Variants in NOL4 observed in about 807,000 individuals in gnomAD.
NOL4 encodes the protein cancer/testis antigen 125.
A neutral mutation model predicts 75.9 loss-of-function variants in NOL4; 17 were observed. That is an observed-to-expected ratio of 0.22 (90% CI 0.15 to 0.34). The LOEUF is 0.34. NOL4 is among the 10% of genes least tolerant of loss of function. NOL4 has a pLI of 1.00. For synonymous variants in NOL4, 292 were observed against 289.9 expected (o/e 1.01, Z -0.07); for missense variants, 614 against 793.5 (o/e 0.77, Z 2.72).
chr18:34,116,851 C>A lies in NOL4; in HGVS notation c.415-11691G>T, dbSNP rs569958896. Reference sequence around the variant, plus strand: ...TAATTTTAAAACATGGAGAATTTGACCATGTCTTCTTTTCTCAGTCCCAAG... The same window carrying A: ...TAATTTTAAAACATGGAGAATTTGAACATGTCTTCTTTTCTCAGTCCCAAG... On this transcript the variant is annotated intron_variant, in intron 2 of 10. Transcript: ENST00000261592. Among the ~76,000 whole-genome samples, 3 of 152,150 alleles carry A rather than the reference C, an allele frequency of 2.0e-5. No individual in the cohort carries two copies. In the East Asian group the frequency reaches 5.8e-4, roughly 29 times the overall value.
intron 6 of NOL4, among the ~76,000 whole-genome samples, chr18:34,008,201 G>T (rs1456958469): frequency 6.6e-6 from 1 of 151,952 alleles, no homozygotes; most frequent in Non-Finnish European, 1.5e-5. Context: ...TTCTAATTCA[G>T]ACTGGGACTT....
chr18:34,051,407 AT>A (rs1273799260), intron 5 of NOL4, among the ~76,000 whole-genome samples: 3 of 152,116 alleles, frequency 2.0e-5, no homozygotes, highest in Non-Finnish European at 2.9e-5. Flanking sequence ...AATGAACTAA[AT>A]TTTAAATATT....
intron 9 of NOL4, among the ~76,000 whole-genome samples, chr18:33,891,028 T>A (rs1453689337): frequency 6.6e-6 from 1 of 151,654 alleles, no homozygotes; most frequent in Non-Finnish European, 1.5e-5. Context: ...GAGCAAACCT[T>A]TCTGTCTGGA....
At chr18:34,112,798 C>T (rs2079661087) in intron 2 of NOL4, among the ~76,000 whole-genome samples, 2 of 151,996 alleles carry the variant, frequency 1.3e-5, no homozygotes, top group South Asian at 4.1e-4. Flanking sequence ...GCATAGTAAC[C>T]GTAGATAATT....
At chr18:33,913,905 C>A (rs544467593) in intron 9 of NOL4, among the ~76,000 whole-genome samples, 1 of 152,158 alleles carries the variant, frequency 6.6e-6, no homozygotes, top group East Asian at 1.9e-4. Context: ...GCAGAGAAGA[C>A]AAAGGGTAAT....
At chr18:34,074,655 G>A (rs79939026) in intron 5 of NOL4, among the ~76,000 whole-genome samples, 1,525 of 152,022 alleles carry the variant, frequency 0.01, 17 homozygotes, top group Middle Eastern at 0.017. Flanking sequence ...GATATTTCAC[G>A]AGTACCAAGA....
chr18:34,073,048 G>GA (rs1446920883), intron 5 of NOL4, among the ~76,000 whole-genome samples: 2 of 152,006 alleles, frequency 1.3e-5, no homozygotes, highest in African/African-American at 2.4e-5. Flanking sequence ...CTAACAGAAT[G>GA]AAGTAAATCC....
intron 1 of NOL4, among the ~76,000 whole-genome samples, chr18:34,147,995 A>C (rs1158731039): frequency 6.6e-6 from 1 of 152,008 alleles, no homozygotes; most frequent in East Asian, 1.9e-4. Context: ...TTTCTAGCTT[A>C]TTTACATAGA....
At chr18:33,860,861 C>G (rs2063090208) in intron 10 of NOL4, among the ~76,000 whole-genome samples, 1 of 151,916 alleles carries the variant, frequency 6.6e-6, no homozygotes. Flanking sequence ...TGAATTTTGT[C>G]AAAGGCCTTT....
chr18:33,952,809 A>G (rs2069336617), intron 8 of NOL4, among the ~76,000 whole-genome samples: 1 of 152,148 alleles, frequency 6.6e-6, no homozygotes, highest in Non-Finnish European at 1.5e-5. Flanking sequence ...CTGTTATCCC[A>G]GCTACTCAGG....
intron 1 of NOL4, among the ~76,000 whole-genome samples, chr18:34,151,022 T>C (rs2081616366): frequency 6.6e-6 from 1 of 151,774 alleles, no homozygotes; most frequent in Admixed American, 6.6e-5. Context: ...GAGATACCAC[T>C]ACATAACTAT....
intron 1 of NOL4, among the ~76,000 whole-genome samples, chr18:34,212,332 G>T (rs914529126): frequency 3.3e-5 from 5 of 152,002 alleles, no homozygotes; most frequent in Admixed American, 2.0e-4. Context: ...CATAGAAATG[G>T]CAATACATAA....
At chr18:34,210,910 T>A (rs1008820951) in intron 1 of NOL4, among the ~76,000 whole-genome samples, 6 of 152,318 alleles carry the variant, frequency 3.9e-5, no homozygotes, top group African/African-American at 1.4e-4. Flanking sequence ...TTTGTTTATA[T>A]AAGGACAGAG....
chr18:34,049,990 T>C (rs116690661), intron 5 of NOL4, among the ~76,000 whole-genome samples: 1,799 of 152,302 alleles, frequency 0.012, 34 homozygotes, highest in African/African-American at 0.041. Flanking sequence ...ATAATGCATG[T>C]ATTTACATTT....
At chr18:33,953,655 C>T (rs142755364) in intron 8 of NOL4, among the ~76,000 whole-genome samples, 89 of 152,236 alleles carry the variant, frequency 5.8e-4, no homozygotes, top group African/African-American at 2.0e-3. Context: ...GAGGAACTTA[C>T]TGGTGTCTTG....
intron 9 of NOL4, among the ~76,000 whole-genome samples, chr18:33,900,787 C>T (rs546803053): frequency 6.6e-6 from 1 of 152,202 alleles, no homozygotes; most frequent in South Asian, 2.1e-4. Flanking sequence ...GCGAAAGTAC[C>T]AAATGTTAGC....
intron 5 of NOL4, among the ~76,000 whole-genome samples, chr18:34,065,803 TAA>T: frequency 6.6e-6 from 1 of 152,114 alleles, no homozygotes; most frequent in Middle Eastern, 3.4e-3. Context: ...AAACTTTTGA[TAA>T]GAGATTAAAT....
chr18:33,874,177 T>C (rs1311469169), intron 10 of NOL4, among the ~76,000 whole-genome samples: 2 of 151,786 alleles, frequency 1.3e-5, no homozygotes, highest in Non-Finnish European at 2.9e-5. Flanking sequence ...ATCTTGGTCA[T>C]TATGCAGAAC....
At chr18:34,177,857 A>G (rs777682919) in intron 1 of NOL4, among the ~76,000 whole-genome samples, 19 of 151,940 alleles carry the variant, frequency 1.3e-4, no homozygotes, top group East Asian at 1.9e-4. Flanking sequence ...AGAAATGATG[A>G]AGGAATTTTT....
Sources: allele counts gnomAD v4.1 joint callset (sites outside exome capture counted in the v4.1 genomes callset), GRCh38; gene constraint gnomAD v4.1.1; transcripts MANE v1.5; gene names NCBI Gene and HGNC (gene_info 2026-07-23, HGNC 2026-07-21).